PRELID2: variants seen among roughly 807,000 people sequenced by gnomAD.
PRELID2 encodes the protein PRELI domain containing 2, also known as PRELI domain-containing protein 2.
A neutral mutation model predicts 28.4 loss-of-function variants in PRELID2; 25 were observed. The ratio of observed to expected loss-of-function variants is 0.88; its 90% confidence interval spans 0.64 to 1.23. The LOEUF (loss-of-function observed/expected upper bound fraction) is 1.23, where lower values mean the gene tolerates loss of function less well. Ranked by LOEUF, PRELID2 falls within the 50% of genes most tolerant of loss-of-function variation. PRELID2 has a pLI of 0.00. For missense variants in PRELID2, 201 were observed against 214.4 expected (o/e 0.94, Z 0.39); for synonymous variants, 76 against 71.6 (o/e 1.06, Z -0.31).
intron 1 of PRELID2, among the ~76,000 whole-genome samples, chr5:145,530,692 A>C (rs1414065427): frequency 6.6e-6 from 1 of 152,124 alleles, no homozygotes; most frequent in Non-Finnish European, 1.5e-5. Context: ...TCTGAAGTAG[A>C]GGTCACTGAA....
intron 1 of PRELID2, among the ~76,000 whole-genome samples, chr5:145,596,512 G>T (rs1481687797): frequency 6.6e-6 from 1 of 152,026 alleles, no homozygotes; most frequent in Non-Finnish European, 1.5e-5. Context: ...CTTCTCATTT[G>T]AAAACCAGGT....
chr5:145,299,640 TGTGC>T, the PRELID2 span, among the ~76,000 whole-genome samples: 15,839 of 108,704 alleles, frequency 0.15, 1,024 homozygotes, highest in Non-Finnish European at 0.21. Flanking sequence ...TATATATGTG[TGTGC>T]GTGTGTGTGT....
At chr5:145,407,896 C>G in the PRELID2 span, among the ~76,000 whole-genome samples, 1 of 152,208 alleles carries the variant, frequency 6.6e-6, no homozygotes, top group Non-Finnish European at 1.5e-5. Context: ...ACAGAGTACA[C>G]TTCAATCCTC....
chr5:145,713,684 C>T (rs1447056339), intron 1 of PRELID2, among the ~76,000 whole-genome samples: 5 of 92,688 alleles, frequency 5.4e-5, no homozygotes, highest in South Asian at 3.9e-4. Context: ...TATATATATA[C>T]ACACACTATA....
At chr5:145,501,914 T>C (rs1420882603) in intron 1 of PRELID2, among the ~76,000 whole-genome samples, 3 of 152,144 alleles carry the variant, frequency 2.0e-5, no homozygotes, top group Admixed American at 2.0e-4. Context: ...AATATTCCTT[T>C]TGTCCTCTAT....
At chr5:145,733,891 T>A (rs1756419851) in intron 1 of PRELID2, among the ~76,000 whole-genome samples, 2 of 152,154 alleles carry the variant, frequency 1.3e-5, no homozygotes, top group Non-Finnish European at 2.9e-5. Flanking sequence ...AACGTGAAGA[T>A]ACTATGCTAG....
At chr5:145,835,006 C>T (rs1438121786) in intron 1 of PRELID2, 171 bp downstream of exon 1, 105 of 515,572 alleles carry the variant, frequency 2.0e-4, no homozygotes, top group Non-Finnish European at 7.1e-5. Flanking sequence ...TTTCCCGCTC[C>T]CTGTAAAGGG....
At chr5:145,385,747 G>A in the PRELID2 span, among the ~76,000 whole-genome samples, 1 of 152,066 alleles carries the variant, frequency 6.6e-6, no homozygotes, top group South Asian at 2.1e-4. Flanking sequence ...CTTTAGAAGT[G>A]GACTTATTTA....
chr5:145,816,469 T>C (rs1236122537), intron 4 of PRELID2, among the ~76,000 whole-genome samples: 1 of 152,226 alleles, frequency 6.6e-6, no homozygotes, highest in Non-Finnish European at 1.5e-5. Flanking sequence ...TTTTGCTGCT[T>C]AAATTTTTGC....
the PRELID2 span, among the ~76,000 whole-genome samples, chr5:145,357,486 C>A: frequency 2.6e-5 from 4 of 152,002 alleles, no homozygotes; most frequent in Admixed American, 2.0e-4. Flanking sequence ...TTTGGAGAAC[C>A]GGTCTTCAAG....
intron 1 of PRELID2, among the ~76,000 whole-genome samples, chr5:145,714,631 A>G (rs894600834): frequency 6.6e-6 from 1 of 152,046 alleles, no homozygotes; most frequent in Admixed American, 6.6e-5. Flanking sequence ...AACCTTTACA[A>G]CCGATCTTTG....
At chr5:145,431,006 GTTTT>G in the PRELID2 span, among the ~76,000 whole-genome samples, 14 of 55,538 alleles carry the variant, frequency 2.5e-4, no homozygotes, top group African/African-American at 8.3e-4. Flanking sequence ...CCTGGCAATG[GTTTT>G]TTTTTTTTTT....
At chr5:145,692,269 C>A (rs549185920) in intron 1 of PRELID2, among the ~76,000 whole-genome samples, 52 of 152,156 alleles carry the variant, frequency 3.4e-4, no homozygotes, top group African/African-American at 1.2e-3. Context: ...ACTGATCGTA[C>A]TTGAATGTTT....
chr5:145,621,573 A>C (rs1393899960), intron 1 of PRELID2, among the ~76,000 whole-genome samples: 2 of 152,228 alleles, frequency 1.3e-5, no homozygotes, highest in African/African-American at 4.8e-5. Flanking sequence ...TACAATAAAA[A>C]GGAATGAACT....
intron 1 of PRELID2, among the ~76,000 whole-genome samples, chr5:145,746,447 A>G (rs1756993527): frequency 6.6e-6 from 1 of 152,214 alleles, no homozygotes; most frequent in Non-Finnish European, 1.5e-5. Flanking sequence ...GCATTACACA[A>G]TGGTAAAGGG....
chr5:145,528,592 T>G (rs1438674401), intron 1 of PRELID2, among the ~76,000 whole-genome samples: 1 of 151,822 alleles, frequency 6.6e-6, no homozygotes, highest in African/African-American at 2.4e-5. Context: ...TCTAATTCAC[T>G]TACTTTTTGT....
intron 1 of PRELID2, among the ~76,000 whole-genome samples, chr5:145,551,645 T>G (rs1752836403): frequency 6.6e-6 from 1 of 152,126 alleles, no homozygotes; most frequent in Admixed American, 6.6e-5. Context: ...TGAAAACATG[T>G]TACGAGAGAA....
At chr5:145,538,055 T>C (rs746398703) in intron 1 of PRELID2, among the ~76,000 whole-genome samples, 21 of 151,966 alleles carry the variant, frequency 1.4e-4, no homozygotes, top group Non-Finnish European at 1.3e-4. Context: ...TTTCTGCATG[T>C]GGATATCCAA....
the PRELID2 span, among the ~76,000 whole-genome samples, chr5:145,419,696 T>C: frequency 1.3e-5 from 2 of 152,192 alleles, no homozygotes; most frequent in East Asian, 3.9e-4. Flanking sequence ...TTCACTCTGA[T>C]GGTAGTTTGT....
Sources: gnomAD v4.1 joint callset for allele counts (sites outside exome capture counted in the v4.1 genomes callset) on GRCh38, gnomAD v4.1.1 for gene constraint, MANE v1.5 for transcripts, NCBI Gene and HGNC (gene_info 2026-07-23, HGNC 2026-07-21) for gene names.